Variants in PIWIL1 observed in about 807,000 individuals in gnomAD.
PIWIL1 encodes piwi-like protein 1.
In PIWIL1, 73 loss-of-function variants were observed where a neutral mutation model predicts 114.4. That is an observed-to-expected ratio of 0.64 (90% CI 0.53 to 0.78). The LOEUF is 0.78. Among genes scored for constraint, PIWIL1 ranks in the 30% least tolerant of loss-of-function variants. The pLI, the probability that PIWIL1 is intolerant of heterozygous loss-of-function variation, is 0.00. For synonymous variants in PIWIL1, 375 were observed against 369.0 expected, an observed-to-expected ratio of 1.02 and a Z score of -0.19; for missense variants, 723 against 1,063.1, an observed-to-expected ratio of 0.68 and a Z score of 4.45.
At chr12:130,374,811 T>C (rs1301351128), downstream of PIWIL1, among the ~76,000 whole-genome samples, 2 of 152,198 alleles carry the variant, frequency 1.3e-5, no homozygotes, top group Non-Finnish European at 2.9e-5. Flanking sequence ...GTCTCTTTTT[T>C]GACACCATCC....
At chr12:130,418,763 C>A in the PIWIL1 span, among the ~76,000 whole-genome samples, 1 of 152,242 alleles carries the variant, frequency 6.6e-6, no homozygotes, top group South Asian at 2.1e-4. Context: ...CGTAAGAGTG[C>A]ATTTTCTCAG....
the PIWIL1 span, chr12:130,406,144 G>A: frequency 7.8e-7 from 1 of 1,279,022 alleles, no homozygotes; most frequent in Non-Finnish European, 1.1e-6. Flanking sequence ...AAAATCAAAT[G>A]GTACTTCTTG....
At chr12:130,401,521 T>A in the PIWIL1 span, among the ~76,000 whole-genome samples, 3 of 151,790 alleles carry the variant, frequency 2.0e-5, no homozygotes, top group East Asian at 1.9e-4. Context: ...AGGTGCACAC[T>A]CACTGCCCTG....
chr12:130,414,494 C>T, the PIWIL1 span: 2 of 532,966 alleles, frequency 3.8e-6, no homozygotes, highest in South Asian at 2.4e-5. Flanking sequence ...AGCACATAAC[C>T]ACAGCCACAC....
In PIWIL1 at chr12:130,349,115, GA is replaced by G. The variant is rs1400101304; in HGVS notation, c.735-121del. On this transcript the variant is annotated intron_variant, in intron 7 of 20. Transcript: ENST00000245255. ...GAACCATGTAAATCCTAGAAATAAG[GA>G]AATTGATTCATTCAGAAACTTTATA... 3 of 613,462 alleles carry G rather than the reference GA, an allele frequency of 4.9e-6. No individual in the cohort carries two copies. In the African/African-American group the frequency reaches 5.5e-5, roughly 11 times the overall value. 38.0% of individuals were successfully genotyped at this position (613,462 alleles called of 1,614,324 possible).
downstream of PIWIL1, among the ~76,000 whole-genome samples, chr12:130,375,172 C>G (rs1334440052): frequency 6.6e-6 from 1 of 152,148 alleles, no homozygotes; most frequent in African/African-American, 2.4e-5. Context: ...CTCACATTGT[C>G]CTGTGGTGCT....
chr12:130,338,990 C>T (rs1189065489), intron 1 of PIWIL1, among the ~76,000 whole-genome samples: 1 of 151,890 alleles, frequency 6.6e-6, no homozygotes, highest in African/African-American at 2.4e-5. Context: ...ACTGCGGGGA[C>T]CTGAGAGCTC....
At chr12:130,381,962 C>A in the PIWIL1 span, among the ~76,000 whole-genome samples, 3 of 152,236 alleles carry the variant, frequency 2.0e-5, no homozygotes, top group South Asian at 6.2e-4. Flanking sequence ...TGCTAAGGTA[C>A]CTGTTAAGGT....
chr12:130,355,528 G>T (rs369232185), intron 11 of PIWIL1, 25 bp from the exon 12 acceptor site: 2 of 1,474,260 alleles, frequency 1.4e-6, no homozygotes, highest in East Asian at 2.3e-5. Context: ...TTGTTGAGTC[G>T]CATGTAAATG....
intron 9 of PIWIL1, among the ~76,000 whole-genome samples, chr12:130,353,929 A>G (rs2073290960): frequency 6.6e-6 from 1 of 150,972 alleles, no homozygotes; most frequent in African/African-American, 2.4e-5. Context: ...CCATCTTCAA[A>G]AAAAAAAAAA....
At position 130,362,778 on chromosome 12, in the gene PIWIL1, CT is replaced by C; in HGVS notation, c.1984del (p.Cys662AlafsTer11). 6.2e-7 allele frequency: 1 copy of C among 1,614,084 alleles called. No individual in the cohort carries two copies. On this transcript the variant is annotated frameshift_variant, in exon 17 of 21. Coordinates refer to ENST00000245255, the MANE Select transcript of PIWIL1 (RefSeq NM_004764.5). LOFTEE classifies it high-confidence loss of function. ...TTTCTCTGAATAGCTGGTTCTCACGCTGCATATTTCAGGATAGAGGACAGGA... is the reference window on the plus strand; with the variant it reads ...TTTCTCTGAATAGCTGGTTCTCACGCGCATATTTCAGGATAGAGGACAGGA... The part of the protein sequence containing the change: ...NEGMTRWFSR[C>X]IFQDRGQELV...
chr12:130,399,071 G>T, the PIWIL1 span: 2 of 1,116,604 alleles, frequency 1.8e-6, no homozygotes, highest in Non-Finnish European at 2.4e-6. Flanking sequence ...GGTTAAGGTA[G>T]CTTAAGTTGG....
At chr12:130,398,991 A>G in the PIWIL1 span, 1 of 433,948 alleles carries the variant, frequency 2.3e-6, no homozygotes, top group South Asian at 7.1e-5. Flanking sequence ...TAGTTTTTTG[A>G]GACATATTTC....
At chr12:130,340,334 G>A (rs925721233) in intron 1 of PIWIL1, among the ~76,000 whole-genome samples, 12 of 152,148 alleles carry the variant, frequency 7.9e-5, no homozygotes, top group Middle Eastern at 3.4e-3. Context: ...AGTCTTTTTG[G>A]CACCAGGGAC....
the PIWIL1 span, chr12:130,424,972 G>A: frequency 1.7e-4 from 93 of 550,098 alleles, no homozygotes; most frequent in East Asian, 1.3e-3. The surrounding 1 kb of genome is among the most constrained non-coding windows in gnomAD (Gnocchi z 9.8). Context: ...GGCACCGAGG[G>A]GGGGGAAGCA....
the PIWIL1 span, among the ~76,000 whole-genome samples, chr12:130,384,878 C>T: frequency 6.6e-6 from 1 of 151,352 alleles, no homozygotes; most frequent in African/African-American, 2.5e-5. Flanking sequence ...CTAACAGTTG[C>T]TCATCTTGAA....
the PIWIL1 span, chr12:130,414,600 G>A: frequency 9.4e-5 from 24 of 255,312 alleles, no homozygotes; most frequent in East Asian, 1.7e-4. Flanking sequence ...GGCTGCGGCC[G>A]TGCCAGGGGC....
intron 9 of PIWIL1, among the ~76,000 whole-genome samples, chr12:130,353,203 TTTTG>T (rs1169043876): frequency 1.3e-5 from 2 of 151,412 alleles, no homozygotes; most frequent in African/African-American, 4.9e-5. Context: ...GTGTGTGGTT[TTTTG>T]TTCTTCTGGT....
the PIWIL1 span, among the ~76,000 whole-genome samples, chr12:130,394,466 T>TATC: frequency 6.6e-6 from 1 of 152,230 alleles, no homozygotes; most frequent in Non-Finnish European, 1.5e-5. Context: ...TTTAGAAGTA[T>TATC]ATCTTTTTTC....
Sources: allele counts gnomAD v4.1 joint callset (sites outside exome capture counted in the v4.1 genomes callset), GRCh38; gene constraint gnomAD v4.1.1; non-coding constraint Gnocchi (gnomAD v3.1); transcripts MANE v1.5; gene names NCBI Gene and HGNC (gene_info 2026-07-23, HGNC 2026-07-21).